ZNF527: variants seen among roughly 807,000 people sequenced by gnomAD.
The protein encoded by ZNF527 is zinc finger protein 527.
ZNF527 carries 5 observed loss-of-function variants against 13.5 expected under a neutral mutation model. That is an observed-to-expected ratio of 0.37 (90% CI 0.19 to 0.78). The LOEUF (loss-of-function observed/expected upper bound fraction) is 0.78, where lower values mean the gene tolerates loss of function less well. Among genes scored for constraint, ZNF527 ranks in the 30% least tolerant of loss-of-function variants. The probability of loss-of-function intolerance (pLI) is 0.48; values close to 1 mark genes in which losing one functional copy is unlikely to be tolerated. For missense variants in ZNF527, 628 were observed against 726.4 expected (o/e 0.86, Z 1.56); for synonymous variants, 209 against 243.1 (o/e 0.86, Z 1.30).
chr19:37,389,539 C>A lies in ZNF527; in HGVS notation c.1490C>A (p.Pro497Gln). 6.2e-7 allele frequency: 1 copy of A among 1,614,116 alleles called. No individual in the cohort carries two copies. The highest frequency in any genetic ancestry group is 8.5e-7 in the Non-Finnish European group (1 of 1,180,046). The change falls in exon 5 of 5, where the codon CCA (proline) becomes CAA (glutamine). Residue 497 changes from proline (P) to glutamine (Q), a missense_variant. By Grantham distance (76) the Pro-to-Gln change is moderately conservative. Coordinates refer to ENST00000436120, the MANE Select transcript of ZNF527 (RefSeq NM_032453.2). ...CATAGAATTCACACTGGAGAGAGAC[C>A]ATTTGAATGCAGTAAATGTGGGAAA... Reference protein sequence around the residue: ...RHHRIHTGERPFECSKCGKAF... With the variant: ...RHHRIHTGERQFECSKCGKAF...
At chr19:37,386,863 A>C (rs1358168940) in intron 4 of ZNF527, among the ~76,000 whole-genome samples, 12 of 152,236 alleles carry the variant, frequency 7.9e-5, no homozygotes, top group Non-Finnish European at 1.5e-4. Flanking sequence ...TGCCTACAAG[A>C]GATGAGATCC....
intron 1 of ZNF527, 38 bp from the exon 2 acceptor site, chr19:37,374,120 G>T: frequency 2.8e-6 from 4 of 1,410,242 alleles, no homozygotes; most frequent in Non-Finnish European, 4.0e-6. Context: ...ACACAGGGCT[G>T]GCACATCATC....
Position 37,389,993 on chromosome 19 carries a change from G to T in ZNF527, c.*114G>T. The stretch of plus-strand genomic sequence containing the variant: ...ATGTAGTTCATATTTCAGTTCATGA[G>T]TATCCGTTATTTGAAGTAGCTCAGT... On this transcript the variant is annotated 3_prime_UTR_variant, in exon 5 of 5. Coordinates refer to ENST00000436120, the MANE Select transcript of ZNF527 (RefSeq NM_032453.2). 1 of 1,341,050 alleles carries T rather than the reference G, an allele frequency of 7.5e-7. No homozygotes were observed. Among genetic ancestry groups the T allele is most frequent in the South Asian group, 1.5e-5 (1 of 66,318 alleles). 83.1% of individuals were successfully genotyped at this position (1,341,050 alleles called of 1,614,324 possible).
In ZNF527 at chr19:37,388,550, T is replaced by A. The variant is rs1016156264; in HGVS notation, c.501T>A (p.Asn167Lys). The change falls in exon 5 of 5, where the codon AAT becomes AAA. Residue 167 changes from asparagine (N) to lysine (K), a missense_variant. Physicochemically the swap from Asn to Lys is moderately conservative, Grantham distance 94. This residue lies in a region of ZNF527 where 592 missense variants were observed against 678.0 expected (regional missense o/e 0.87). Coordinates refer to ENST00000436120, the MANE Select transcript of ZNF527 (RefSeq NM_032453.2). Reference protein sequence around the residue: ...STGKRDNEFSNSGRSIPLKSV... With the variant: ...STGKRDNEFSKSGRSIPLKSV... The stretch of plus-strand genomic sequence containing the variant: ...GGAAAAGAGACAATGAATTTAGTAA[T>A]TCTGGGAGAAGCATACCCCTGAAAT... 3 of 1,614,174 alleles carry A rather than the reference T, an allele frequency of 1.9e-6. No homozygotes were observed. In the East Asian group the frequency reaches 6.7e-5, roughly 36 times the overall value.
rs202102236 is a variant in ZNF527, at chr19:37,388,937, C to T, written c.888C>T (p.His296=). ...TCTTTACTCAACCTCAGAGAATTCA[C>T]AGTGGAGAAAAACCATATGCATGCA... ...YSFFTQPQRI[H]SGEKPYACND... Residue 296 remains histidine (H), a synonymous_variant, in exon 5 of 5, where the codon CAC becomes CAT. Coordinates refer to ENST00000436120, the MANE Select transcript of ZNF527 (RefSeq NM_032453.2). 2 of 1,611,586 alleles carry T rather than the reference C, an allele frequency of 1.2e-6. No homozygotes were observed. Among genetic ancestry groups the T allele is most frequent in the African/African-American group, 2.7e-5 (2 of 74,942 alleles).
chr19:37,387,185 G>C (rs1231083765), intron 4 of ZNF527, among the ~76,000 whole-genome samples: 1 of 152,140 alleles, frequency 6.6e-6, no homozygotes, highest in African/African-American at 2.4e-5. Flanking sequence ...ACCCCCAAAT[G>C]CCAAAATACG....
At chr19:37,384,875 C>T (rs2040685024) in intron 4 of ZNF527, 1 of 694,554 alleles carries the variant, frequency 1.4e-6, no homozygotes, top group East Asian at 2.7e-5. Context: ...CAGGTTCTCA[C>T]TCTGTTGCCC....
At chr19:37,375,311 T>TTTCTTTCTTTTC (rs760003304) in intron 2 of ZNF527, among the ~76,000 whole-genome samples, 105 of 79,792 alleles carry the variant, frequency 1.3e-3, no homozygotes, top group Non-Finnish European at 1.7e-3. Flanking sequence ...TCTTTCTTTC[T>TTTCTTTCTTTTC]TTTCTTTCTT....
In ZNF527 at chr19:37,388,894, C is replaced by G. The variant is rs770948534; in HGVS notation, c.845C>G (p.Ala282Gly). Reference sequence around the variant, plus strand: ...CATGGATACGATGAATGTGGTGATGCCTTTAGCTGTTACTCATTCTTTACT... The same window carrying G: ...CATGGATACGATGAATGTGGTGATGGCTTTAGCTGTTACTCATTCTTTACT... ...LPHGYDECGDAFSCYSFFTQP... is the reference protein window; with the variant it reads ...LPHGYDECGDGFSCYSFFTQP... Residue 282 changes from alanine (A) to glycine (G), a missense_variant, in exon 5 of 5, where the codon GCC (alanine) becomes GGC (glycine). Around this residue, in one of 3 missense-constraint regions of ZNF527, gnomAD observed 592 missense variants for 678.0 expected, o/e 0.87. Transcript: ENST00000436120. 2 of 1,614,188 alleles carry G rather than the reference C, an allele frequency of 1.2e-6. No individual in the cohort carries two copies. The highest frequency in any genetic ancestry group is 1.1e-5 in the South Asian group (1 of 91,072).
intron 2 of ZNF527, among the ~76,000 whole-genome samples, chr19:37,376,682 CAAAAAAAAAAA>C (rs35179002): frequency 2.1e-5 from 1 of 48,536 alleles, no homozygotes; most frequent in Non-Finnish European, 3.9e-5. Context: ...ACTCCATCTC[CAAAAAAAAAAA>C]AAAAAAAAAA....
Position 37,374,190 on chromosome 19 carries a change from GA to G in ZNF527, c.-7del. The stretch of plus-strand genomic sequence containing the variant: ...TTCTTCTTCAGAAGAGAAAACTGAA[GA>G]AGGAGGAATGGCTGTGGGGCTTTGT... On this transcript the variant is annotated 5_prime_UTR_variant, in exon 2 of 5. Transcript: ENST00000436120. The G allele has an allele frequency of 1.9e-6, 3 of 1,613,888 alleles. No homozygotes were observed. Among genetic ancestry groups the G allele is most frequent in the Non-Finnish European group, 2.5e-6 (3 of 1,179,830 alleles).
intron 4 of ZNF527, among the ~76,000 whole-genome samples, chr19:37,388,019 C>A (rs1380040509): frequency 6.6e-6 from 1 of 152,186 alleles, no homozygotes; most frequent in African/African-American, 2.4e-5. Context: ...AACTCCTTAT[C>A]TTGTTAGCAT....
intron 4 of ZNF527, 91 bp from the exon 5 acceptor site, chr19:37,388,215 C>G: frequency 6.9e-7 from 1 of 1,451,092 alleles, no homozygotes; most frequent in Non-Finnish European, 9.3e-7. Flanking sequence ...CCCTCCTTCC[C>G]CCCAGTTAAA....
At chr19:37,371,994 C>T (rs1454572060) in intron 1 of ZNF527, among the ~76,000 whole-genome samples, 7 of 148,948 alleles carry the variant, frequency 4.7e-5, no homozygotes, top group Admixed American at 4.7e-4. Flanking sequence ...CTAGAGGTCT[C>T]GCTTTTTTTT....
At position 37,391,099 on chromosome 19, in the gene ZNF527, T is replaced by C. The variant is rs979933273; in HGVS notation, c.*1220T>C. On this transcript the variant is annotated 3_prime_UTR_variant, in exon 5 of 5. Transcript: ENST00000436120. The stretch of plus-strand genomic sequence containing the variant: ...TCATTTGTCACAGTGACTCACCATT[T>C]GCCTGTAAAGAGAGAATGGAAAGCT... 1.1e-4 allele frequency: 16 copies of C among 152,234 alleles called. No individual in the cohort carries two copies. The highest frequency in any genetic ancestry group is 3.9e-4 in the African/African-American group (16 of 41,450). The allele number at this position is 152,234 out of a possible 1,614,324, so 9.4% of individuals were successfully genotyped here.
Position 37,390,235 on chromosome 19 carries a change from G to A in ZNF527, c.*356G>A, listed in dbSNP as rs992678623. On this transcript the variant is annotated 3_prime_UTR_variant, in exon 5 of 5. Transcript: ENST00000436120. Reference sequence around the variant, plus strand: ...GTAGAGACGGGGTTTCACCACATTGGTCAGGCTGATCTCGAACTCCTGACT... The same window carrying A: ...GTAGAGACGGGGTTTCACCACATTGATCAGGCTGATCTCGAACTCCTGACT... 1.6e-5 allele frequency: 3 copies of A among 183,624 alleles called. No homozygotes were observed. Among genetic ancestry groups the A allele is most frequent in the Non-Finnish European group, 3.4e-5 (3 of 87,202 alleles). 11.4% of individuals were successfully genotyped at this position (183,624 alleles called of 1,614,324 possible). A position where few individuals can be genotyped will look rare whatever the true frequency, so the allele number is the denominator to read the frequency against.
At chr19:37,385,242 C>T (rs1242356832) in intron 4 of ZNF527, 1 of 449,958 alleles carries the variant, frequency 2.2e-6, no homozygotes, top group Admixed American at 3.9e-5. Flanking sequence ...TGCCTTTTGA[C>T]TTTGTGTTTT....
rs895744345 is a variant in ZNF527, at chr19:37,389,937, A to G, written c.*58A>G. ...TACCACTCAATCCTTATTAAATATTAGTGAGTTCTTTTTGGTTAGTAATTC... is the reference window on the plus strand; with the variant it reads ...TACCACTCAATCCTTATTAAATATTGGTGAGTTCTTTTTGGTTAGTAATTC... On this transcript the variant is annotated 3_prime_UTR_variant, in exon 5 of 5. Coordinates refer to ENST00000436120, the MANE Select transcript of ZNF527 (RefSeq NM_032453.2). 4 of 1,505,318 alleles carry G rather than the reference A, an allele frequency of 2.7e-6. No homozygotes were observed. In the African/African-American group the frequency reaches 5.6e-5, roughly 21 times the overall value. 93.2% of individuals were successfully genotyped at this position (1,505,318 alleles called of 1,614,324 possible). A position where few individuals can be genotyped will look rare whatever the true frequency, so the allele number is the denominator to read the frequency against.
In ZNF527 at chr19:37,374,143, A is replaced by G; in HGVS notation, c.-41-15A>G. ...CTGGCACATCATCATTTCTTCATTAACTCTCCCTTCTCAGGACTTTGTTCT... is the reference window on the plus strand; with the variant it reads ...CTGGCACATCATCATTTCTTCATTAGCTCTCCCTTCTCAGGACTTTGTTCT... On this transcript the variant is annotated splice_polypyrimidine_tract_variant and intron_variant, in intron 1 of 4. Transcript: ENST00000436120. The G allele has an allele frequency of 3.8e-6, 6 of 1,560,848 alleles. No individual in the cohort carries two copies. The South Asian group carries it at 6.7e-5, about 17-fold the overall frequency.
Sources: gnomAD v4.1 joint callset for allele counts (sites outside exome capture counted in the v4.1 genomes callset) on GRCh38, gnomAD v4.1.1 for gene constraint, gnomAD v4.1.1 regional missense constraint, MANE v1.5 for transcripts, NCBI Gene and HGNC (gene_info 2026-07-23, HGNC 2026-07-21) for gene names.